MRTFB: variants seen among roughly 807,000 people sequenced by gnomAD.
MRTFB encodes the protein myocardin-related transcription factor B.
MRTFB carries 29 observed loss-of-function variants against 104.2 expected under a neutral mutation model. The ratio of observed to expected loss-of-function variants is 0.28; its 90% CI spans 0.21 to 0.38. The LOEUF (loss-of-function observed/expected upper bound fraction) is 0.38, where lower values mean the gene tolerates loss of function less well. Among genes scored for constraint, MRTFB ranks in the 10% least tolerant of loss-of-function variants. The probability of loss-of-function intolerance (pLI) is 1.00; values close to 1 mark genes in which losing one functional copy is unlikely to be tolerated. For missense variants in MRTFB, 1,270 were observed against 1,341.6 expected (o/e 0.95, Z 0.83); for synonymous variants, 535 against 519.5 (o/e 1.03, Z -0.41).
At chr16:14,259,750 G>A (rs115951163) in intron 16 of MRTFB, among the ~76,000 whole-genome samples, 3,024 of 152,044 alleles carry the variant, frequency 0.02, 112 homozygotes, top group African/African-American at 0.069. Context: ...GCAAGACTCC[G>A]TCTCAAAAAA....
the MRTFB span, among the ~76,000 whole-genome samples, chr16:14,052,805 G>C: frequency 6.6e-6 from 1 of 151,110 alleles, no homozygotes; most frequent in Non-Finnish European, 1.5e-5. Flanking sequence ...TTATCCTGCT[G>C]TACTATCAAA....
chr16:14,227,993 C>A (rs1597313899), intron 8 of MRTFB, among the ~76,000 whole-genome samples: 1 of 151,264 alleles, frequency 6.6e-6, no homozygotes, highest in Middle Eastern at 3.4e-3. Context: ...AATAGACATC[C>A]TTCTTAAGAG....
chr16:14,050,327 C>T, the MRTFB span, among the ~76,000 whole-genome samples: 6 of 152,104 alleles, frequency 3.9e-5, no homozygotes, highest in South Asian at 2.1e-4. Context: ...CAAATAAAAA[C>T]GCTCCTAAAT....
intron 3 of MRTFB, among the ~76,000 whole-genome samples, chr16:14,178,919 C>A (rs1022637550): frequency 6.6e-6 from 1 of 151,984 alleles, no homozygotes; most frequent in Non-Finnish European, 1.5e-5. Flanking sequence ...TTGTCTAATT[C>A]TTTTGTAGAG....
At chr16:14,190,090 A>G (rs746268373) in intron 3 of MRTFB, among the ~76,000 whole-genome samples, 38 of 152,212 alleles carry the variant, frequency 2.5e-4, no homozygotes, top group Admixed American at 3.3e-4. Context: ...AAAGCATATC[A>G]TCTCACAGCT....
At chr16:14,248,855 T>C in intron 12 of MRTFB, 71 bp from the exon 13 acceptor site, 7 of 1,540,192 alleles carry the variant, frequency 4.5e-6, no homozygotes, top group Non-Finnish European at 6.2e-6. Context: ...CCAGTGATTC[T>C]ACACCTAAGT....
the MRTFB span, among the ~76,000 whole-genome samples, chr16:14,062,602 T>C: frequency 2.0e-5 from 3 of 152,124 alleles, no homozygotes; most frequent in South Asian, 2.1e-4. Flanking sequence ...CAGGCTCTGA[T>C]TGGTTTTGGC....
chr16:14,234,718 C>T (rs984815611), intron 9 of MRTFB, among the ~76,000 whole-genome samples: 1 of 151,938 alleles, frequency 6.6e-6, no homozygotes, highest in African/African-American at 2.4e-5. Context: ...TCACTTGAGC[C>T]CTGGAGTTTG....
intron 10 of MRTFB, 47 bp from the exon 11 acceptor site, chr16:14,245,481 C>G (rs922088727): frequency 2.6e-6 from 4 of 1,531,250 alleles, no homozygotes; most frequent in Non-Finnish European, 3.5e-6. Flanking sequence ...AATGTCAAAT[C>G]TAGAAATTAT....
rs1376404415 is a variant in MRTFB at position 14,147,509 on chromosome 16, A to C, written c.154+6749A>C. 2.0e-5 allele frequency among the ~76,000 whole-genome samples: 3 copies of C among 152,228 alleles called. No homozygotes were observed. The East Asian group carries it at 5.8e-4, about 29-fold the overall frequency. The stretch of plus-strand genomic sequence containing the variant: ...GTCTGCCTTCTATTTTTCTACTCTG[A>C]GTGTCTTATTTAGACAGTTTTTGTT... On this transcript the variant is annotated intron_variant, in intron 3 of 16. Coordinates refer to ENST00000571589, the MANE Select transcript of MRTFB (RefSeq NM_001308142.2).
intron 2 of MRTFB, among the ~76,000 whole-genome samples, chr16:14,080,941 A>G (rs1023036612): frequency 3.3e-5 from 5 of 152,168 alleles, no homozygotes; most frequent in African/African-American, 7.2e-5. Flanking sequence ...TATCTTGGCT[A>G]TTGTGAATAG....
the MRTFB span, among the ~76,000 whole-genome samples, chr16:14,065,234 T>C: frequency 6.6e-6 from 1 of 152,220 alleles, no homozygotes; most frequent in East Asian, 1.9e-4. Flanking sequence ...CAAATGTGAT[T>C]GCATTTTTGA....
At chr16:14,114,744 C>T (rs1288459879) in intron 2 of MRTFB, among the ~76,000 whole-genome samples, 1 of 152,160 alleles carries the variant, frequency 6.6e-6, no homozygotes, top group East Asian at 1.9e-4. Flanking sequence ...TTTGTAGATT[C>T]CTTTCTAGTG....
intron 7 of MRTFB, among the ~76,000 whole-genome samples, chr16:14,218,570 T>G (rs2041535757): frequency 6.6e-6 from 1 of 152,190 alleles, no homozygotes; most frequent in Non-Finnish European, 1.5e-5. Context: ...TTAAGATTCC[T>G]GGCGCTTGTA....
In MRTFB at chr16:14,247,382, CCTG is replaced by C; in HGVS notation, c.2126_2128del (p.Ala709del). 1 of 1,614,008 alleles carries C rather than the reference CCTG, an allele frequency of 6.2e-7. No individual in the cohort carries two copies. The highest frequency in any genetic ancestry group is 8.5e-7 in the Non-Finnish European group (1 of 1,180,036). On this transcript the variant is annotated inframe_deletion, in exon 12 of 17. Coordinates refer to ENST00000571589, the MANE Select transcript of MRTFB (RefSeq NM_001308142.2). ...TGTGAGTTCCCAGGGACAGCCACCGCCTGCTGTTGTTGCTCAGCCCCAGGCTTT... is the reference window on the plus strand; with the variant it reads ...TGTGAGTTCCCAGGGACAGCCACCGCCTGTTGTTGCTCAGCCCCAGGCTTT...
chr16:14,087,807 A>G lies in MRTFB; in HGVS notation c.-64+8453A>G, dbSNP rs530499609. Among the ~76,000 whole-genome samples the G allele has an allele frequency of 2.0e-5, 3 of 152,286 alleles. No homozygotes were observed. The East Asian group carries it at 5.8e-4, about 29-fold the overall frequency. On this transcript the variant is annotated intron_variant, in intron 2 of 16. Transcript: ENST00000571589. ...TCCCACTTCCTTTTTCTTTTACCTTAAGAACTGATTACTGACACTTGGGAA... is the reference window on the plus strand; with the variant it reads ...TCCCACTTCCTTTTTCTTTTACCTTGAGAACTGATTACTGACACTTGGGAA...
rs1357812189 is a variant in MRTFB at position 14,071,378 on chromosome 16, C to T, written c.-129+13C>T. The T allele has an allele frequency of 3.7e-5, 6 of 160,366 alleles. No individual in the cohort carries two copies. Among genetic ancestry groups the T allele is most frequent in the South Asian group, 1.8e-4 (1 of 5,622 alleles). The allele number at this position is 160,366 out of a possible 1,614,324, so 9.9% of individuals were successfully genotyped here. A position where few individuals can be genotyped will look rare whatever the true frequency, so the allele number is the denominator to read the frequency against. ...GGCGGCCGGGGAGGTGAGCGGCGGG[C>T]GGTGGCGGCCGTTGGGGGCTGAGGC... On this transcript the variant is annotated intron_variant, in intron 1 of 16. Coordinates refer to ENST00000571589, the MANE Select transcript of MRTFB (RefSeq NM_001308142.2).
chr16:14,046,663 T>C, the MRTFB span, among the ~76,000 whole-genome samples: 35 of 152,290 alleles, frequency 2.3e-4, no homozygotes, highest in African/African-American at 8.4e-4. Flanking sequence ...CTGTAAATGG[T>C]GACTTTCTTC....
chr16:14,106,355 C>CT (rs1276159105), intron 2 of MRTFB, among the ~76,000 whole-genome samples: 4 of 152,190 alleles, frequency 2.6e-5, no homozygotes, highest in African/African-American at 9.6e-5. Context: ...ACAAGGGAAA[C>CT]TGCATAGGTA....
Sources: allele counts gnomAD v4.1 joint callset (sites outside exome capture counted in the v4.1 genomes callset), GRCh38; gene constraint gnomAD v4.1.1; transcripts MANE v1.5; gene names NCBI Gene and HGNC (gene_info 2026-07-23, HGNC 2026-07-21).